CERS3: variants seen among roughly 807,000 people sequenced by gnomAD.
CERS3 encodes LAG1 homolog, ceramide synthase 3.
A neutral mutation model predicts 50.3 loss-of-function variants in CERS3; 33 were observed. That is an observed-to-expected ratio of 0.66 (90% CI 0.50 to 0.88). CERS3 has a LOEUF of 0.88. Among genes scored for constraint, CERS3 ranks in the 40% least tolerant of loss-of-function variants. The probability of loss-of-function intolerance (pLI) is 0.00; values close to 1 mark genes in which losing one functional copy is unlikely to be tolerated. For missense variants in CERS3, 470 were observed against 460.3 expected (o/e 1.02, Z -0.19); for synonymous variants, 176 against 155.2 (o/e 1.13, Z -0.99).
chr15:100,453,233 T>C (rs1028269666), intron 11 of CERS3, among the ~76,000 whole-genome samples: 18 of 152,060 alleles, frequency 1.2e-4, no homozygotes, highest in African/African-American at 4.3e-4. Flanking sequence ...CTGATTAACA[T>C]AGATACAAAA....
At chr15:100,496,624 T>A (rs2035822379) in intron 3 of CERS3, among the ~76,000 whole-genome samples, 1 of 152,182 alleles carries the variant, frequency 6.6e-6, no homozygotes, top group Non-Finnish European at 1.5e-5. Context: ...TATACATTTG[T>A]CAAAATGCAT....
chr15:100,445,223 C>A (rs1285409769), intron 11 of CERS3, among the ~76,000 whole-genome samples: 5 of 140,004 alleles, frequency 3.6e-5, no homozygotes, highest in Non-Finnish European at 6.2e-5. Flanking sequence ...GACTGTGCCC[C>A]AAAAAACTTG....
chr15:100,497,852 TACACACACACACACACACACACACAC>T (rs57343426), intron 3 of CERS3, among the ~76,000 whole-genome samples: 3,862 of 108,826 alleles, frequency 0.035, 99 homozygotes, highest in Non-Finnish European at 0.047. Flanking sequence ...ACCTATCTCT[TACACACACACACACACACACACACAC>T]ACACACACAC....
intron 11 of CERS3, among the ~76,000 whole-genome samples, chr15:100,413,834 C>G (rs973263157): frequency 6.7e-6 from 1 of 148,396 alleles, no homozygotes; most frequent in African/African-American, 2.5e-5. Context: ...ACTAGAAAAC[C>G]TAGAAGAAAT....
chr15:100,518,208 G>A (rs2036545520), intron 2 of CERS3, among the ~76,000 whole-genome samples: 1 of 152,034 alleles, frequency 6.6e-6, no homozygotes, highest in Non-Finnish European at 1.5e-5. Context: ...AAATAGATAG[G>A]GGGTGACAGA....
At chr15:100,484,943 T>C (rs886541378) in intron 4 of CERS3, among the ~76,000 whole-genome samples, 1 of 152,230 alleles carries the variant, frequency 6.6e-6, no homozygotes, top group African/African-American at 2.4e-5. Flanking sequence ...AAGTTGCATG[T>C]GTGAGCTCAC....
intron 7 of CERS3, among the ~76,000 whole-genome samples, chr15:100,477,564 C>T (rs929148870): frequency 7.9e-5 from 12 of 152,262 alleles, no homozygotes; most frequent in South Asian, 2.1e-4. Flanking sequence ...TGCACTAGAG[C>T]GAACCTTTTA....
intron 10 of CERS3, among the ~76,000 whole-genome samples, chr15:100,467,837 G>GTATATATATACATA (rs1555528303): frequency 5.3e-5 from 3 of 56,356 alleles, no homozygotes; most frequent in African/African-American, 1.7e-4. Context: ...ATATATACGT[G>GTATATATATACATA]TATATATATA....
At chr15:100,418,538 C>T (rs1423515971) in intron 11 of CERS3, among the ~76,000 whole-genome samples, 17 of 146,748 alleles carry the variant, frequency 1.2e-4, no homozygotes, top group East Asian at 5.9e-4. Context: ...CTTCCCCAAT[C>T]TAGCAAGGCA....
At chr15:100,466,780 CCTTCCTTCCTT>C (rs1567638420) in intron 10 of CERS3, among the ~76,000 whole-genome samples, 1 of 22,962 alleles carries the variant, frequency 4.4e-5, no homozygotes, top group Admixed American at 4.5e-4. Context: ...TTCCTTCCTT[CCTTCCTTCCTT>C]CCTCCCTCCC....
At chr15:100,496,363 C>T (rs1378839828) in intron 3 of CERS3, among the ~76,000 whole-genome samples, 1 of 151,858 alleles carries the variant, frequency 6.6e-6, no homozygotes, top group Non-Finnish European at 1.5e-5. Context: ...AGAAAGGAAC[C>T]ACTGATATAC....
intron 11 of CERS3, among the ~76,000 whole-genome samples, chr15:100,416,916 C>G (rs2142074371): frequency 6.6e-6 from 1 of 152,202 alleles, no homozygotes; most frequent in East Asian, 1.9e-4. Flanking sequence ...GGGCAAAAGA[C>G]AAGAACAGAT....
At chr15:100,460,041 C>T (rs2034499947) in intron 10 of CERS3, among the ~76,000 whole-genome samples, 1 of 151,942 alleles carries the variant, frequency 6.6e-6, no homozygotes, top group African/African-American at 2.4e-5. Context: ...TGTTAATTAG[C>T]TTTATACAGT....
At chr15:100,533,393 G>A (rs1008187316), upstream of CERS3, among the ~76,000 whole-genome samples, 1 of 152,164 alleles carries the variant, frequency 6.6e-6, no homozygotes, top group Admixed American at 6.5e-5. Flanking sequence ...TGCTGACAGA[G>A]TACATTTATG....
intron 11 of CERS3, among the ~76,000 whole-genome samples, chr15:100,404,720 G>C (rs1290746617): frequency 6.6e-6 from 1 of 152,176 alleles, no homozygotes; most frequent in African/African-American, 2.4e-5. Flanking sequence ...CAGATTTTAA[G>C]ACTTATATAA....
chr15:100,461,356 A>C (rs2034545693), intron 10 of CERS3, among the ~76,000 whole-genome samples: 1 of 152,088 alleles, frequency 6.6e-6, no homozygotes, highest in African/African-American at 2.4e-5. Flanking sequence ...TAAGATGCAA[A>C]TGTCTTCTAA....
At chr15:100,411,599 A>G (rs574500062) in intron 11 of CERS3, among the ~76,000 whole-genome samples, 1 of 152,330 alleles carries the variant, frequency 6.6e-6, no homozygotes, top group East Asian at 1.9e-4. Context: ...ACGAATATCA[A>G]CACAGATATT....
chr15:100,411,836 G>A (rs1285496704), intron 11 of CERS3, among the ~76,000 whole-genome samples: 1 of 151,996 alleles, frequency 6.6e-6, no homozygotes, highest in Non-Finnish European at 1.5e-5. Context: ...TTATAGTTTT[G>A]ATTTGCGTTT....
In CERS3 at chr15:100,484,227, A is replaced by G. The variant is rs151232938; in HGVS notation, c.407+323T>C. ...CCTAAGAAAAGAGAAACACCAGTTA[A>G]GACATTTTTATGATTTTTTCTGGGT... On this transcript the variant is annotated intron_variant, in intron 5 of 11. Transcript: ENST00000679737. 4.0e-5 allele frequency among the ~76,000 whole-genome samples: 6 copies of G among 151,422 alleles called. No individual in the cohort carries two copies. In the East Asian group the frequency reaches 1.2e-3, roughly 29 times the overall value.
Sources: allele counts gnomAD v4.1 joint callset (sites outside exome capture counted in the v4.1 genomes callset), GRCh38; gene constraint gnomAD v4.1.1; transcripts MANE v1.5; gene names NCBI Gene and HGNC (gene_info 2026-07-23, HGNC 2026-07-21).